NUP62: variants seen among roughly 807,000 people sequenced by gnomAD.
NUP62 encodes nuclear pore glycoprotein p62.
For missense variants in NUP62, 647 were observed against 689.4 expected (o/e 0.94, Z 0.69); for synonymous variants, 305 against 303.4 (o/e 1.01, Z -0.05).
At position 49,908,673 on chromosome 19, in the gene NUP62, C is replaced by T. The variant is rs952148206; in HGVS notation, c.1135G>A (p.Val379Met). ...GEKITSLHREVEKVKLDQKRL... is the reference protein window; with the variant it reads ...GEKITSLHREMEKVKLDQKRL... ...TTCTGGTCCAGCTTCACCTTCTCCA[C>T]CTCGCGGTGCAGGCTGGTGATCTTT... The change falls in exon 3 of 3, where the codon GTG becomes ATG. Residue 379 changes from valine (V) to methionine (M), a missense_variant. Coordinates refer to ENST00000352066, the MANE Select transcript of NUP62 (RefSeq NM_016553.5). 6.2e-7 allele frequency: 1 copy of T among 1,612,318 alleles called. No individual in the cohort carries two copies. Among genetic ancestry groups the T allele is most frequent in the Non-Finnish European group, 8.5e-7 (1 of 1,180,034 alleles).
intron 2 of NUP62, 87 bp downstream of exon 2, chr19:49,927,607 G>A (rs1410891041): frequency 6.6e-6 from 1 of 152,230 alleles, no homozygotes; most frequent in Non-Finnish European, 1.5e-5. Context: ...AGAGTGGACA[G>A]TAAGTGCTCT....
intron 2 of NUP62, among the ~76,000 whole-genome samples, chr19:49,915,602 G>A (rs1013704244): frequency 2.0e-5 from 3 of 152,238 alleles, no homozygotes; most frequent in East Asian, 1.9e-4. Flanking sequence ...AACCAATGGC[G>A]GTAGGTTGAG....
rs373716292 is a variant in NUP62, at chr19:49,909,443, G to A, written c.365C>T (p.Thr122Ile). ...GGTGACGGTGCTCGATATGGCATTAGTGAGGTTGCTGCTGCCCAGCCCAAA... is the reference window on the plus strand; with the variant it reads ...GGTGACGGTGCTCGATATGGCATTAATGAGGTTGCTGCTGCCCAGCCCAAA... ...SGFGLGSSNL[T>I]NAISSTVTSS... is the part of the protein sequence containing the mutation. Residue 122 changes from threonine (T) to isoleucine (I), a missense_variant, in exon 3 of 3, where the codon ACT becomes ATT. Physicochemically the swap from Thr to Ile is moderately conservative, Grantham distance 89. Coordinates refer to ENST00000352066, the MANE Select transcript of NUP62 (RefSeq NM_016553.5). 9 of 1,614,022 alleles carry A rather than the reference G, an allele frequency of 5.6e-6. No homozygotes were observed. Among genetic ancestry groups the A allele is most frequent in the Non-Finnish European group, 7.6e-6 (9 of 1,180,054 alleles).
chr19:49,914,726 G>T (rs1224460389), intron 2 of NUP62, among the ~76,000 whole-genome samples: 11 of 56,394 alleles, frequency 2.0e-4, no homozygotes, highest in South Asian at 1.7e-3. Context: ...CCAAGTCCCA[G>T]TTTTTTTTTT....
chr19:49,910,600 T>C (rs1350757755), intron 2 of NUP62, among the ~76,000 whole-genome samples: 1 of 152,030 alleles, frequency 6.6e-6, no homozygotes, highest in Non-Finnish European at 1.5e-5. Context: ...GGCAGCTGCC[T>C]CCTTCACCTG....
rs1474233507 is a variant in NUP62 at position 49,908,356 on chromosome 19, T to C, written c.1452A>G (p.Ser484=). The part of the protein sequence containing the change: ...ICKILNAHMD[S]LQWIDQNSAL... ...CCGAGTTCTGGTCGATCCACTGCAGTGAGTCCATGTGCGCATTGAGGATCT... is the reference window on the plus strand; with the variant it reads ...CCGAGTTCTGGTCGATCCACTGCAGCGAGTCCATGTGCGCATTGAGGATCT... The change falls in exon 3 of 3, where the codon TCA becomes TCG. Residue 484 remains serine (S), a synonymous_variant. Transcript: ENST00000352066. 2 of 1,614,112 alleles carry C rather than the reference T, an allele frequency of 1.2e-6. No individual in the cohort carries two copies. Among genetic ancestry groups the C allele is most frequent in the South Asian group, 1.1e-5 (1 of 91,082 alleles).
chr19:49,922,429 C>A (rs2075787168), intron 2 of NUP62, among the ~76,000 whole-genome samples: 1 of 152,130 alleles, frequency 6.6e-6, no homozygotes, highest in South Asian at 2.1e-4. Context: ...GAAACACTGT[C>A]CTCCCCTCCT....
intron 2 of NUP62, among the ~76,000 whole-genome samples, chr19:49,924,074 G>A (rs553891348): frequency 1.3e-5 from 2 of 152,212 alleles, no homozygotes; most frequent in Non-Finnish European, 2.9e-5. Flanking sequence ...AATCGATAGC[G>A]TCTGGCAACT....
intron 2 of NUP62, among the ~76,000 whole-genome samples, chr19:49,923,834 C>G (rs1487673447): frequency 6.6e-6 from 1 of 152,230 alleles, no homozygotes; most frequent in Admixed American, 6.5e-5. Flanking sequence ...CAGGCTGGCT[C>G]TAGGGCCCAT....
intron 2 of NUP62, among the ~76,000 whole-genome samples, chr19:49,914,728 T>TTTG (rs1485118424): frequency 2.2e-4 from 17 of 77,206 alleles, no homozygotes; most frequent in African/African-American, 3.2e-4. Context: ...AAGTCCCAGT[T>TTTG]TTTTTTTTTT....
chr19:49,911,178 A>G (rs919577843), intron 2 of NUP62: 2 of 152,270 alleles, frequency 1.3e-5, no homozygotes, highest in Non-Finnish European at 2.9e-5. Flanking sequence ...CCAGGACTAC[A>G]GGCGTGAGCC....
intron 2 of NUP62, among the ~76,000 whole-genome samples, chr19:49,914,255 G>A (rs527953751): frequency 3.3e-5 from 5 of 152,344 alleles, no homozygotes; most frequent in African/African-American, 1.2e-4. Flanking sequence ...TTTGCCAAAG[G>A]GGAGAGTTTC....
chr19:49,920,684 G>A (rs560394096), intron 2 of NUP62, among the ~76,000 whole-genome samples: 1 of 152,332 alleles, frequency 6.6e-6, no homozygotes, highest in East Asian at 1.9e-4. Flanking sequence ...CCTTCCTTGG[G>A]GTGGCCGGTA....
intron 2 of NUP62, among the ~76,000 whole-genome samples, chr19:49,919,483 G>A (rs1016740885): frequency 7.9e-5 from 12 of 152,182 alleles, no homozygotes; most frequent in African/African-American, 2.9e-4. Flanking sequence ...CTCAGAGGGG[G>A]CGACTTGCCC....
chr19:49,915,018 G>A (rs1189777818), intron 2 of NUP62, among the ~76,000 whole-genome samples: 3 of 152,162 alleles, frequency 2.0e-5, no homozygotes, highest in Non-Finnish European at 2.9e-5. Flanking sequence ...GTGATTACAG[G>A]AGTGAGCCAC....
At chr19:49,918,157 T>C (rs542777299) in intron 2 of NUP62, among the ~76,000 whole-genome samples, 27 of 152,140 alleles carry the variant, frequency 1.8e-4, no homozygotes, top group African/African-American at 6.0e-4. Flanking sequence ...GCCTCGACTT[T>C]CTGGGCTCAA....
intron 2 of NUP62, among the ~76,000 whole-genome samples, chr19:49,923,759 G>A (rs778710825): frequency 6.6e-6 from 1 of 152,258 alleles, no homozygotes; most frequent in South Asian, 2.1e-4. Flanking sequence ...GGGAAACTGA[G>A]TCATAGAAAG....
Position 49,908,349 on chromosome 19 carries a change from A to G in NUP62, c.1459T>C (p.Trp487Arg). The part of the protein sequence containing the change: ...ILNAHMDSLQ[W>R]IDQNSALLQR... ...AGCAGGGCCGAGTTCTGGTCGATCC[A>G]CTGCAGTGAGTCCATGTGCGCATTG... The change falls in exon 3 of 3, where the codon TGG becomes CGG. Residue 487 changes from tryptophan (W) to arginine (R), a missense_variant. By Grantham distance (101) the Trp-to-Arg change is moderately radical (BLOSUM62 -3). Coordinates refer to ENST00000352066, the MANE Select transcript of NUP62 (RefSeq NM_016553.5). 3 of 1,614,082 alleles carry G rather than the reference A, an allele frequency of 1.9e-6. No individual in the cohort carries two copies. Among genetic ancestry groups the G allele is most frequent in the Non-Finnish European group, 2.5e-6 (3 of 1,179,996 alleles).
Position 49,911,080 on chromosome 19 carries a change from A to C in NUP62, c.-77-1196T>G, listed in dbSNP as rs1390103380. The C allele has an allele frequency of 2.0e-5, 3 of 152,000 alleles. No individual in the cohort carries two copies. The East Asian group carries it at 5.8e-4, about 29-fold the overall frequency. The allele number at this position is 152,000 out of a possible 1,614,324, so 9.4% of individuals were successfully genotyped here. On this transcript the variant is annotated intron_variant, in intron 2 of 2. Transcript: ENST00000352066. The stretch of plus-strand genomic sequence containing the variant: ...CCACCATGCGTGGATAATCTTTTTT[A>C]TTTTTTGTGGAAATGGGATCTCACT...
Sources: gnomAD v4.1 joint callset for allele counts (sites outside exome capture counted in the v4.1 genomes callset) on GRCh38, gnomAD v4.1.1 for gene constraint, MANE v1.5 for transcripts, NCBI Gene and HGNC (gene_info 2026-07-23, HGNC 2026-07-21) for gene names.